Variants in ZNF69 observed in about 807,000 individuals in gnomAD.
ZNF69 encodes ZNF3.
In ZNF69, 47 loss-of-function variants were observed where a neutral mutation model predicts 50.9. The ratio of observed to expected loss-of-function variants is 0.92; its 90% CI spans 0.73 to 1.18. The LOEUF (loss-of-function observed/expected upper bound fraction) is 1.18, where lower values mean the gene tolerates loss of function less well. ZNF69 is among the 50% of genes most tolerant of loss of function. The pLI, the probability that ZNF69 is intolerant of heterozygous loss-of-function variation, is 0.00. For synonymous variants in ZNF69, 216 were observed against 223.1 expected (o/e 0.97, Z 0.29); for missense variants, 717 against 675.1 (o/e 1.06, Z -0.69).
At chr19:11,904,569 A>G in intron 3 of ZNF69, 80 bp from the exon 4 acceptor site, 2 of 1,536,726 alleles carry the variant, frequency 1.3e-6, no homozygotes, top group Non-Finnish European at 1.7e-6. Flanking sequence ...CAGTGTTAAA[A>G]ATGCAAGTTC....
the ZNF69 span, among the ~76,000 whole-genome samples, chr19:11,945,640 A>G: frequency 6.6e-6 from 1 of 152,026 alleles, no homozygotes; most frequent in African/African-American, 2.4e-5. Context: ...TCTTCTGCCC[A>G]CACCTTTGAC....
chr19:11,898,484 G>A (rs543067579), intron 1 of ZNF69, among the ~76,000 whole-genome samples: 37 of 147,288 alleles, frequency 2.5e-4, no homozygotes, highest in East Asian at 6.1e-4. Flanking sequence ...TCCGTCTCCC[G>A]GGTTCTAGCA....
the ZNF69 span, among the ~76,000 whole-genome samples, chr19:11,966,074 A>T: frequency 6.6e-6 from 1 of 152,202 alleles, no homozygotes; most frequent in African/African-American, 2.4e-5. Context: ...CAAAAAACAG[A>T]CCTGTTTCTC....
chr19:11,960,037 T>C, the ZNF69 span, among the ~76,000 whole-genome samples: 5 of 150,022 alleles, frequency 3.3e-5, no homozygotes, highest in Non-Finnish European at 7.4e-5. Flanking sequence ...GTTTTTTTTT[T>C]CTTTTTTTTT....
chr19:11,905,843 A>G lies in ZNF69; in HGVS notation c.1446A>G (p.Leu482=), dbSNP rs146776928. 2.5e-6 allele frequency: 4 copies of G among 1,614,096 alleles called. No individual in the cohort carries two copies. The highest frequency in any genetic ancestry group is 1.7e-5 in the Admixed American group (1 of 60,012). The change falls in exon 4 of 4, where the codon CTA becomes CTG. Residue 482 remains leucine (L), a synonymous_variant. Coordinates refer to ENST00000429654, the MANE Select transcript of ZNF69 (RefSeq NM_001364730.1). ...GAGAAAGACCTTATAAATGTAAGCT[A>G]TGTGGGAAAGGCTTTTATTGTCCCA... is the stretch of plus-strand genomic sequence containing the variant. ...HSGERPYKCK[L]CGKGFYCPKS...
the ZNF69 span, among the ~76,000 whole-genome samples, chr19:11,927,556 T>C: frequency 6.6e-6 from 1 of 152,172 alleles, no homozygotes; most frequent in Non-Finnish European, 1.5e-5. Flanking sequence ...AAGTTTTTCT[T>C]ATGTAGGGAT....
the ZNF69 span, among the ~76,000 whole-genome samples, chr19:11,946,175 G>A: frequency 6.6e-6 from 1 of 152,174 alleles, no homozygotes; most frequent in Non-Finnish European, 1.5e-5. Context: ...GAGCCATTTT[G>A]TTTCTTCTTT....
chr19:11,925,158 C>G, the ZNF69 span: 6 of 1,604,116 alleles, frequency 3.7e-6, no homozygotes, highest in Non-Finnish European at 4.3e-6. Context: ...CAGACCAGCC[C>G]GAGAGGGACC....
At chr19:11,919,211 T>C (rs1412910825), downstream of ZNF69, among the ~76,000 whole-genome samples, 1 of 152,060 alleles carries the variant, frequency 6.6e-6, no homozygotes, top group Non-Finnish European at 1.5e-5. Context: ...TTTTCTTTTT[T>C]ATTCTCATTT....
chr19:11,951,715 G>A, the ZNF69 span, among the ~76,000 whole-genome samples: 4 of 152,212 alleles, frequency 2.6e-5, no homozygotes, highest in South Asian at 2.1e-4. Context: ...ACATTAGTAA[G>A]AAGAGAAAAA....
At chr19:11,978,782 T>A in the ZNF69 span, 1 of 1,614,164 alleles carries the variant, frequency 6.2e-7, no homozygotes, top group East Asian at 2.2e-5. Context: ...CATATGAATG[T>A]AAACAATGTG....
chr19:11,897,871 C>CA (rs564395635), intron 1 of ZNF69, among the ~76,000 whole-genome samples: 4,312 of 62,802 alleles, frequency 0.069, 122 homozygotes, highest in African/African-American at 0.14. Context: ...GACTCCATCT[C>CA]AAAAAAAAAA....
At chr19:11,977,983 A>G in the ZNF69 span, 1 of 1,121,058 alleles carries the variant, frequency 8.9e-7, no homozygotes. Flanking sequence ...CATGTTGTCC[A>G]TTTACCTTCA....
At chr19:11,962,996 C>T in the ZNF69 span, among the ~76,000 whole-genome samples, 3 of 151,890 alleles carry the variant, frequency 2.0e-5, no homozygotes, top group South Asian at 4.2e-4. Flanking sequence ...ATGATCCAGT[C>T]GATGAGGAAA....
intron 1 of ZNF69, among the ~76,000 whole-genome samples, chr19:11,895,057 T>C (rs533355659): frequency 6.6e-6 from 1 of 152,372 alleles, no homozygotes; most frequent in African/African-American, 2.4e-5. Flanking sequence ...TGACCTGTGC[T>C]GACACATGAG....
chr19:11,906,206 A>G lies in ZNF69; in HGVS notation c.*108A>G. The G allele has an allele frequency of 6.5e-7, 1 of 1,535,832 alleles. No homozygotes were observed. Among genetic ancestry groups the G allele is most frequent in the Non-Finnish European group, 8.7e-7 (1 of 1,149,412 alleles). On this transcript the variant is annotated 3_prime_UTR_variant, in exon 4 of 4. Coordinates refer to ENST00000429654, the MANE Select transcript of ZNF69 (RefSeq NM_001364730.1). ...GGGAAACCCTTCAGGTCTGCCCAGAACCTTCGAATTCAGTAAAGGACACAA... is the reference window on the plus strand; with the variant it reads ...GGGAAACCCTTCAGGTCTGCCCAGAGCCTTCGAATTCAGTAAAGGACACAA...
the ZNF69 span, among the ~76,000 whole-genome samples, chr19:11,970,800 G>A: frequency 0.056 from 8,585 of 152,150 alleles, 768 homozygotes; most frequent in African/African-American, 0.19. Context: ...GCATGGCAGC[G>A]CATGGCTATA....
chr19:11,917,785 C>T (rs982943736), downstream of ZNF69, among the ~76,000 whole-genome samples: 3 of 104,574 alleles, frequency 2.9e-5, no homozygotes, highest in African/African-American at 1.6e-4. Context: ...GCCACCACAC[C>T]CTGCTTTTTT....
the ZNF69 span, among the ~76,000 whole-genome samples, chr19:11,931,259 C>A: frequency 6.8e-6 from 1 of 147,980 alleles, no homozygotes; most frequent in Middle Eastern, 3.2e-3. Context: ...AGAGAGCTGG[C>A]AGATCTAGTG....
Sources: gnomAD v4.1 joint callset for allele counts (sites outside exome capture counted in the v4.1 genomes callset) on GRCh38, gnomAD v4.1.1 for gene constraint, MANE v1.5 for transcripts, NCBI Gene and HGNC (gene_info 2026-07-23, HGNC 2026-07-21) for gene names.